Variants in VIPR2 observed in about 807,000 individuals in gnomAD.
The protein encoded by VIPR2 is vasoactive intestinal peptide receptor 2.
In VIPR2, 48 loss-of-function variants were observed where a neutral mutation model predicts 58.0. The observed-to-expected ratio is 0.83, with a 90% CI of 0.66 to 1.05. VIPR2 has a LOEUF of 1.05. VIPR2 is among the 50% of genes least tolerant of loss of function. The pLI, the probability that VIPR2 is intolerant of heterozygous loss-of-function variation, is 0.00. For synonymous variants in VIPR2, 243 were observed against 235.2 expected (o/e 1.03, Z -0.30); for missense variants, 534 against 558.0 (o/e 0.96, Z 0.43).
In VIPR2 at chr7:159,099,671, A is replaced by G. The variant is rs755972359; in HGVS notation, c.357+4086T>C. On this transcript the variant is annotated intron_variant, in intron 4 of 12. Transcript: ENST00000262178. The surrounding 1 kb of genome is among the most constrained non-coding windows in gnomAD (Gnocchi z 4.2). Reference sequence around the variant, plus strand: ...GCTCTTCACCAGCACCTCTGTCCTAATGTCTCCCAGGCACAGTTGCCGGCT... The same window carrying G: ...GCTCTTCACCAGCACCTCTGTCCTAGTGTCTCCCAGGCACAGTTGCCGGCT... Among the ~76,000 whole-genome samples the G allele has an allele frequency of 1.3e-5, 2 of 152,060 alleles. No individual in the cohort carries two copies. The highest frequency in any genetic ancestry group is 2.4e-5 in the African/African-American group (1 of 41,386).
rs1853585617 is a variant in VIPR2, at chr7:159,031,555, C to T, written c.1143+273G>A. On this transcript the variant is annotated intron_variant, in intron 12 of 12. Transcript: ENST00000262178. This position sits in a 1 kb window ranked among gnomAD's most constrained non-coding sequence, Gnocchi z 4.0. ...AAAACAGATTCTGTCTAGACCCGGC[C>T]GGGAGCTTTCCCGAGAGGGCTCCGA... 1 of 985,372 alleles carries T rather than the reference C, an allele frequency of 1.0e-6. No homozygotes were observed. Among genetic ancestry groups the T allele is most frequent in the Non-Finnish European group, 1.2e-6 (1 of 829,916 alleles). The allele number at this position is 985,372 out of a possible 1,614,324, so 61.0% of individuals were successfully genotyped here. A position where few individuals can be genotyped will look rare whatever the true frequency, so the allele number is the denominator to read the frequency against.
At chr7:159,033,839 A>G (rs1853738739) in intron 10 of VIPR2, among the ~76,000 whole-genome samples, 1 of 152,220 alleles carries the variant, frequency 6.6e-6, no homozygotes, top group Non-Finnish European at 1.5e-5. Context: ...GGATGCTTAA[A>G]CAAGCAAGTT....
chr7:159,092,558 A>G (rs1471458284), intron 4 of VIPR2, among the ~76,000 whole-genome samples: 1 of 152,164 alleles, frequency 6.6e-6, no homozygotes, highest in Non-Finnish European at 1.5e-5. Context: ...AGCCTCTGGC[A>G]TCAAAATAAC....
At chr7:159,065,313 G>A (rs1409062378) in intron 4 of VIPR2, among the ~76,000 whole-genome samples, 1 of 152,156 alleles carries the variant, frequency 6.6e-6, no homozygotes, top group Non-Finnish European at 1.5e-5. Flanking sequence ...TGCTACAGGA[G>A]GAGCCCGCAG....
intron 6 of VIPR2, among the ~76,000 whole-genome samples, chr7:159,042,769 G>A (rs183493835): frequency 1.1e-4 from 17 of 152,310 alleles, no homozygotes; most frequent in African/African-American, 3.6e-4. Context: ...CTAGCTCCAT[G>A]GGGGTCAGGG....
At chr7:159,051,665 G>C (rs1284207176) in intron 5 of VIPR2, among the ~76,000 whole-genome samples, 1 of 151,870 alleles carries the variant, frequency 6.6e-6, no homozygotes, top group Non-Finnish European at 1.5e-5. Context: ...TAAAACACAG[G>C]GAAGTAGAAA....
At chr7:159,053,104 G>A (rs1266006467) in intron 5 of VIPR2, among the ~76,000 whole-genome samples, 1 of 152,070 alleles carries the variant, frequency 6.6e-6, no homozygotes, top group Non-Finnish European at 1.5e-5. Flanking sequence ...TGAAGCAAGA[G>A]GTTTGTCTTT....
intron 10 of VIPR2, 41 bp from the exon 11 acceptor site, chr7:159,032,108 C>G (rs765468871): frequency 6.6e-5 from 106 of 1,611,308 alleles, no homozygotes; most frequent in Admixed American, 2.0e-4. Flanking sequence ...GCTGGACCCT[C>G]GGACCCTCTG....
intron 9 of VIPR2, 22 bp downstream of exon 9, chr7:159,034,559 C>A (rs778550594): frequency 6.2e-7 from 1 of 1,606,954 alleles, no homozygotes; most frequent in African/African-American, 1.3e-5. Context: ...AGATAATCCA[C>A]ATGTCAACAG....
At chr7:159,050,207 C>A (rs1854904409) in intron 5 of VIPR2, among the ~76,000 whole-genome samples, 1 of 151,870 alleles carries the variant, frequency 6.6e-6, no homozygotes, top group African/African-American at 2.4e-5. Context: ...CATGGTGGTG[C>A]ACGCTTGTAA....
At chr7:159,107,906 TG>T (rs1488178758) in intron 3 of VIPR2, among the ~76,000 whole-genome samples, 8 of 152,226 alleles carry the variant, frequency 5.3e-5, no homozygotes, top group African/African-American at 1.9e-4. Context: ...AGAGGCCACC[TG>T]CCTAGCATAG....
intron 8 of VIPR2, 58 bp downstream of exon 8, chr7:159,035,894 C>T (rs534630408): frequency 6.3e-7 from 1 of 1,588,102 alleles, no homozygotes; most frequent in East Asian, 2.3e-5. Context: ...CAAAGGACTT[C>T]ATGTTGCCAG....
At chr7:159,047,688 T>C (rs1235346203) in intron 5 of VIPR2, among the ~76,000 whole-genome samples, 1 of 152,252 alleles carries the variant, frequency 6.6e-6, no homozygotes, top group Non-Finnish European at 1.5e-5. Flanking sequence ...TCAAGAATGT[T>C]GTTGTTAAAA....
intron 1 of VIPR2, among the ~76,000 whole-genome samples, 154 bp from the exon 2 acceptor site, chr7:159,142,699 A>AT (rs1284995637): frequency 1.3e-5 from 2 of 152,238 alleles, no homozygotes; most frequent in African/African-American, 2.4e-5. Context: ...TTTTTCTGGC[A>AT]TTTTTTAAAA....
intron 4 of VIPR2, among the ~76,000 whole-genome samples, chr7:159,081,639 G>A (rs1164236128): frequency 6.6e-6 from 1 of 152,114 alleles, no homozygotes; most frequent in African/African-American, 2.4e-5. Context: ...AAACTAAAGA[G>A]CTTCTGCACA....
chr7:159,137,938 T>C (rs3812310), intron 2 of VIPR2, among the ~76,000 whole-genome samples: 49,027 of 152,144 alleles, frequency 0.32, 9,991 homozygotes, highest in African/African-American at 0.58. Flanking sequence ...CCATCAATAT[T>C]GACATCAGAG....
chr7:159,080,700 T>C (rs1313161516), intron 4 of VIPR2, among the ~76,000 whole-genome samples: 1 of 152,186 alleles, frequency 6.6e-6, no homozygotes, highest in Non-Finnish European at 1.5e-5. Context: ...GATGACATGA[T>C]TGTATATCTA....
At chr7:159,123,581 G>T (rs1796549101) in intron 2 of VIPR2, among the ~76,000 whole-genome samples, 1 of 152,120 alleles carries the variant, frequency 6.6e-6, no homozygotes, top group Non-Finnish European at 1.5e-5. Flanking sequence ...TTGATTCTAT[G>T]TCTTTGCTAT....
rs764620663 is a variant in VIPR2, at chr7:159,095,391, C to T, written c.357+8366G>A. ...CACAGCCGGTGACAGGGCTCACAGT[C>T]GGGGAACCTGGCCCTGTTCTTGCAA... On this transcript the variant is annotated intron_variant, in intron 4 of 12. Coordinates refer to ENST00000262178, the MANE Select transcript of VIPR2 (RefSeq NM_003382.5). This position sits in a 1 kb window ranked among gnomAD's most constrained non-coding sequence, Gnocchi z 5.2. Among the ~76,000 whole-genome samples the T allele has an allele frequency of 8.5e-5, 13 of 152,240 alleles. No homozygotes were observed. Among genetic ancestry groups the T allele is most frequent in the African/African-American group, 1.7e-4 (7 of 41,550 alleles).
Sources: gnomAD v4.1 joint callset for allele counts (sites outside exome capture counted in the v4.1 genomes callset) on GRCh38, gnomAD v4.1.1 for gene constraint, Gnocchi (gnomAD v3.1) non-coding constraint, MANE v1.5 for transcripts, NCBI Gene and HGNC (gene_info 2026-07-23, HGNC 2026-07-21) for gene names.